Variants in EPHA5 observed in about 807,000 individuals in gnomAD.
EPHA5 encodes the protein ephrin type-A receptor 5.
EPHA5 carries 60 observed loss-of-function variants against 105.0 expected under a neutral mutation model. The observed-to-expected ratio is 0.57, with a 90% CI of 0.46 to 0.71. The LOEUF is 0.71. Among genes scored for constraint, EPHA5 ranks in the 30% least tolerant of loss-of-function variants. The pLI is 0.00. For missense variants in EPHA5, 1,218 were observed against 1,274.7 expected (o/e 0.96, Z 0.68); for synonymous variants, 513 against 449.1 (o/e 1.14, Z -1.80).
intron 15 of EPHA5, among the ~76,000 whole-genome samples, chr4:65,335,030 T>C (rs1721035787): frequency 6.6e-6 from 1 of 152,032 alleles, no homozygotes; most frequent in African/African-American, 2.4e-5. Flanking sequence ...CTCATTTGTA[T>C]TTAAAATGAC....
At chr4:65,404,043 C>T (rs1434334038) in intron 8 of EPHA5, among the ~76,000 whole-genome samples, 2 of 152,022 alleles carry the variant, frequency 1.3e-5, no homozygotes, top group Admixed American at 6.6e-5. Flanking sequence ...AAACTTGAAG[C>T]AGGCAACCAT....
At chr4:65,572,885 G>A (rs1437309261) in intron 3 of EPHA5, among the ~76,000 whole-genome samples, 1 of 151,110 alleles carries the variant, frequency 6.6e-6, no homozygotes, top group Non-Finnish European at 1.5e-5. Context: ...ACAAACATTA[G>A]CCAAGAGTGG....
intron 5 of EPHA5, among the ~76,000 whole-genome samples, chr4:65,443,603 T>C (rs2149090863): frequency 6.6e-6 from 1 of 152,134 alleles, no homozygotes; most frequent in African/African-American, 2.4e-5. Flanking sequence ...ATGAGGCTGG[T>C]TCTAGCAATG....
At chr4:65,540,023 A>G (rs1366510853) in intron 3 of EPHA5, among the ~76,000 whole-genome samples, 3 of 151,552 alleles carry the variant, frequency 2.0e-5, no homozygotes, top group Non-Finnish European at 3.0e-5. Flanking sequence ...GTTATGTACC[A>G]TGATTCTTCT....
intron 2 of EPHA5, among the ~76,000 whole-genome samples, chr4:65,627,477 A>G (rs1323207620): frequency 6.6e-6 from 1 of 152,186 alleles, no homozygotes; most frequent in Non-Finnish European, 1.5e-5. Flanking sequence ...AATTTTTAGT[A>G]AAGTATCACT....
chr4:65,422,170 AAT>A (rs1724006199), intron 5 of EPHA5, among the ~76,000 whole-genome samples: 1 of 152,078 alleles, frequency 6.6e-6, no homozygotes, highest in African/African-American at 2.4e-5. Context: ...ACTGGTTTAG[AAT>A]GAGGGGAGAA....
chr4:65,581,641 A>AT (rs1365854282), intron 3 of EPHA5, among the ~76,000 whole-genome samples: 1 of 151,770 alleles, frequency 6.6e-6, no homozygotes, highest in African/African-American at 2.4e-5. Context: ...CCATAGGGAC[A>AT]TTTTAAATTC....
intron 3 of EPHA5, among the ~76,000 whole-genome samples, chr4:65,599,914 G>A (rs1297600940): frequency 1.3e-5 from 2 of 152,012 alleles, no homozygotes; most frequent in Non-Finnish European, 2.9e-5. Context: ...TAATCTCATC[G>A]ACAATCAAAA....
At chr4:65,441,740 A>C (rs1409297000) in intron 5 of EPHA5, among the ~76,000 whole-genome samples, 2 of 152,166 alleles carry the variant, frequency 1.3e-5, no homozygotes, top group Admixed American at 1.3e-4. Flanking sequence ...TATTAATAAA[A>C]AAATGGTTTG....
intron 5 of EPHA5, among the ~76,000 whole-genome samples, chr4:65,470,552 A>G (rs1729188138): frequency 6.6e-6 from 1 of 152,174 alleles, no homozygotes; most frequent in Non-Finnish European, 1.5e-5. Context: ...TGTAATAACC[A>G]TGTACATGAA....
intron 2 of EPHA5, among the ~76,000 whole-genome samples, chr4:65,621,959 A>G (rs1202884141): frequency 6.6e-6 from 1 of 152,168 alleles, no homozygotes; most frequent in Non-Finnish European, 1.5e-5. Flanking sequence ...TCTGAGTTCA[A>G]AGGAAAGGCT....
chr4:65,665,902 A>G (rs193086829), intron 1 of EPHA5, among the ~76,000 whole-genome samples: 1 of 152,144 alleles, frequency 6.6e-6, no homozygotes, highest in Non-Finnish European at 1.5e-5. Flanking sequence ...TTTCTTGTTC[A>G]GTAATGTCCT....
chr4:65,466,089 T>C (rs1278827807), intron 5 of EPHA5, among the ~76,000 whole-genome samples: 1 of 152,126 alleles, frequency 6.6e-6, no homozygotes, highest in Non-Finnish European at 1.5e-5. Flanking sequence ...ATAGGAAAGG[T>C]TAGGGTGAGA....
intron 3 of EPHA5, among the ~76,000 whole-genome samples, chr4:65,588,848 G>T (rs1165091395): frequency 6.6e-6 from 1 of 152,054 alleles, no homozygotes; most frequent in African/African-American, 2.4e-5. Context: ...ATGTTCCAGT[G>T]CTCCAATGGC....
At chr4:65,394,848 C>A (rs1470259679) in intron 8 of EPHA5, among the ~76,000 whole-genome samples, 1 of 152,002 alleles carries the variant, frequency 6.6e-6, no homozygotes, top group South Asian at 2.1e-4. Context: ...TAATGATATA[C>A]TTATCATTAT....
chr4:65,662,123 G>A (rs1178781014), intron 1 of EPHA5, among the ~76,000 whole-genome samples: 2 of 151,996 alleles, frequency 1.3e-5, no homozygotes, highest in African/African-American at 4.8e-5. Flanking sequence ...GAGAAAGAGG[G>A]AAAGAGGAAG....
chr4:65,567,860 T>C (rs749416886), intron 3 of EPHA5, among the ~76,000 whole-genome samples: 15 of 151,660 alleles, frequency 9.9e-5, no homozygotes, highest in South Asian at 4.1e-4. Context: ...GTCAGACTTA[T>C]AGTCATCCTT....
At chr4:65,653,424 A>C (rs911099222) in intron 1 of EPHA5, among the ~76,000 whole-genome samples, 25 of 152,106 alleles carry the variant, frequency 1.6e-4, no homozygotes, top group African/African-American at 6.0e-4. Flanking sequence ...TCAAAATATA[A>C]AGTAACACAG....
chr4:65,366,129 T>C (rs1717889812), intron 9 of EPHA5, 72 bp from the exon 10 acceptor site: 1 of 1,391,646 alleles, frequency 7.2e-7, no homozygotes, highest in South Asian at 1.4e-5. Context: ...TTTATTAACA[T>C]GCAAGTATGG....
Sources: gnomAD v4.1 joint callset for allele counts (sites outside exome capture counted in the v4.1 genomes callset) on GRCh38, gnomAD v4.1.1 for gene constraint, MANE v1.5 for transcripts, NCBI Gene and HGNC (gene_info 2026-07-23, HGNC 2026-07-21) for gene names.